RAP1GAP2: variants seen among roughly 807,000 people sequenced by gnomAD.
RAP1GAP2 encodes rap1 GTPase-activating protein 2.
Under a neutral mutation model 95.0 loss-of-function variants are expected in RAP1GAP2, and 27 were observed. The ratio of observed to expected loss-of-function variants is 0.28; its 90% CI spans 0.21 to 0.39. The LOEUF (loss-of-function observed/expected upper bound fraction) is 0.39, where lower values mean the gene tolerates loss of function less well. Ranked by LOEUF, RAP1GAP2 falls within the 10% of genes least tolerant of loss-of-function variation. The probability of loss-of-function intolerance (pLI) is 1.00; values close to 1 mark genes in which losing one functional copy is unlikely to be tolerated. For synonymous variants in RAP1GAP2, 373 were observed against 380.9 expected, an observed-to-expected ratio of 0.98 and a Z score of 0.24; for missense variants, 771 against 970.0, an observed-to-expected ratio of 0.79 and a Z score of 2.72.
chr17:2,915,355 C>T (rs1012635300), intron 3 of RAP1GAP2, among the ~76,000 whole-genome samples: 2 of 152,068 alleles, frequency 1.3e-5, no homozygotes, highest in Non-Finnish European at 2.9e-5. Flanking sequence ...CTCAGCCCCC[C>T]GAGTAGCTGG....
upstream of RAP1GAP2, among the ~76,000 whole-genome samples, chr17:2,791,631 C>A (rs1276954069): frequency 6.6e-6 from 1 of 152,146 alleles, no homozygotes; most frequent in Non-Finnish European, 1.5e-5. Flanking sequence ...GATAACAGGG[C>A]ACCCTCTCAG....
At chr17:2,926,263 C>T (rs570173594) in intron 3 of RAP1GAP2, among the ~76,000 whole-genome samples, 14 of 152,262 alleles carry the variant, frequency 9.2e-5, no homozygotes, top group African/African-American at 3.1e-4. Context: ...CCTGACTTGG[C>T]GTGGACAGCC....
At chr17:3,009,041 G>C (rs2046425065) in intron 17 of RAP1GAP2, among the ~76,000 whole-genome samples, 1 of 152,096 alleles carries the variant, frequency 6.6e-6, no homozygotes, top group Non-Finnish European at 1.5e-5. Flanking sequence ...TCCCATCTGG[G>C]GGCATTATGT....
intron 3 of RAP1GAP2, among the ~76,000 whole-genome samples, chr17:2,953,182 T>C (rs1597707284): frequency 1.3e-5 from 2 of 151,978 alleles, no homozygotes; most frequent in East Asian, 3.9e-4. Context: ...TGAATTTATA[T>C]GCATACATTA....
chr17:2,898,165 A>C (rs1426372432), intron 2 of RAP1GAP2, among the ~76,000 whole-genome samples: 1 of 152,008 alleles, frequency 6.6e-6, no homozygotes, highest in South Asian at 2.1e-4. Flanking sequence ...CTCCTACCTC[A>C]GCCTCCAAAG....
At chr17:3,018,283 G>GT in intron 18 of RAP1GAP2, 85 bp downstream of exon 18, 1 of 1,472,692 alleles carries the variant, frequency 6.8e-7, no homozygotes, top group Non-Finnish European at 9.0e-7. Context: ...CCCCACCCAG[G>GT]CTTGGGCAGG....
chr17:2,763,681 G>C (rs2068225744), intron 1 of RAP1GAP2, among the ~76,000 whole-genome samples: 1 of 151,600 alleles, frequency 6.6e-6, no homozygotes, highest in Admixed American at 6.6e-5. Context: ...GGGTGACACA[G>C]AGAGACTCTG....
intron 2 of RAP1GAP2, among the ~76,000 whole-genome samples, chr17:2,851,165 G>A (rs886353881): frequency 1.2e-4 from 19 of 152,290 alleles, no homozygotes; most frequent in African/African-American, 3.8e-4. Context: ...AGGAGGTGGC[G>A]TGTGGCCCAA....
chr17:2,975,474 A>G (rs2045071023), intron 8 of RAP1GAP2, among the ~76,000 whole-genome samples: 1 of 152,218 alleles, frequency 6.6e-6, no homozygotes, highest in African/African-American at 2.4e-5. Flanking sequence ...TATCAGACAA[A>G]ATAGAATTTC....
chr17:2,758,626 TGCCATGCTCCAGCCATGGCCA>T (rs952987876), intron 1 of RAP1GAP2, among the ~76,000 whole-genome samples: 44 of 152,194 alleles, frequency 2.9e-4, no homozygotes, highest in African/African-American at 9.6e-4. Flanking sequence ...TCTCAATCCA[TGCCATGCTCCAGCCATGGCCA>T]GCCATGCTCC....
chr17:2,789,131 C>T (rs2068859858), intron 1 of RAP1GAP2, among the ~76,000 whole-genome samples: 1 of 152,126 alleles, frequency 6.6e-6, no homozygotes, highest in East Asian at 1.9e-4. Context: ...AATCATGGCT[C>T]TGCTTCCTGG....
upstream of RAP1GAP2, among the ~76,000 whole-genome samples, chr17:2,792,897 C>G (rs193041222): frequency 1.3e-5 from 2 of 152,344 alleles, no homozygotes; most frequent in East Asian, 3.9e-4. Flanking sequence ...GTGTTCATAG[C>G]TGGGCATTTA....
chr17:2,924,937 GA>G (rs1246731419), intron 3 of RAP1GAP2, among the ~76,000 whole-genome samples: 1 of 152,222 alleles, frequency 6.6e-6, no homozygotes, highest in Non-Finnish European at 1.5e-5. Context: ...TCTCATCTCA[GA>G]GATGCCACGG....
intron 2 of RAP1GAP2, among the ~76,000 whole-genome samples, chr17:2,849,447 T>A (rs962604680): frequency 6.6e-6 from 1 of 152,196 alleles, no homozygotes; most frequent in African/African-American, 2.4e-5. Context: ...TGGATATGTC[T>A]CCTGGAGCCG....
intron 8 of RAP1GAP2, among the ~76,000 whole-genome samples, chr17:2,978,388 GA>G (rs1292995614): frequency 1.3e-5 from 2 of 152,148 alleles, no homozygotes; most frequent in Non-Finnish European, 1.5e-5. Context: ...CGATCACTGA[GA>G]TGGCTGATAA....
chr17:2,860,225 G>C (rs1402687674), intron 2 of RAP1GAP2, among the ~76,000 whole-genome samples: 1 of 152,144 alleles, frequency 6.6e-6, no homozygotes, highest in Non-Finnish European at 1.5e-5. Flanking sequence ...CTCTCCTTAG[G>C]AGGCAGCTGG....
At chr17:2,891,809 CTTTTCTTTTTTTTTTT>C (rs2073727226) in intron 2 of RAP1GAP2, among the ~76,000 whole-genome samples, 1 of 58,030 alleles carries the variant, frequency 1.7e-5, no homozygotes, top group Admixed American at 1.8e-4. Context: ...ATTCATATTT[CTTTTCTTTTTTTTTTT>C]TTTTTTTTTT....
intron 1 of RAP1GAP2, among the ~76,000 whole-genome samples, chr17:2,759,454 G>A (rs990641908): frequency 4.0e-5 from 6 of 151,742 alleles, no homozygotes; most frequent in Admixed American, 2.6e-4. Context: ...CTAATTTTTT[G>A]TATTTTATTT....
rs373499352 is a variant in RAP1GAP2 at position 2,815,689 on chromosome 17, C to T, written c.80+15139C>T. Among the ~76,000 whole-genome samples the T allele has an allele frequency of 2.2e-4, 34 of 152,170 alleles. No homozygotes were observed. The East Asian group carries it at 4.3e-3, about 19-fold the overall frequency. On this transcript the variant is annotated intron_variant, in intron 2 of 24. Transcript: ENST00000254695. ...TAGAGATGGGGTTTCACCACGTTGACCAGGCTGGTCTTGAACTCCTGACCT... is the reference window on the plus strand; with the variant it reads ...TAGAGATGGGGTTTCACCACGTTGATCAGGCTGGTCTTGAACTCCTGACCT...
Sources: gnomAD v4.1 joint callset for allele counts (sites outside exome capture counted in the v4.1 genomes callset) on GRCh38, gnomAD v4.1.1 for gene constraint, MANE v1.5 for transcripts, NCBI Gene and HGNC (gene_info 2026-07-23, HGNC 2026-07-21) for gene names.